The following JAK3 variants were observed in gnomAD, a reference collection of about 807,000 sequenced individuals.
The protein encoded by JAK3 is tyrosine-protein kinase JAK3.
Under a neutral mutation model 120.8 loss-of-function variants are expected in JAK3, and 88 were observed. That is an observed-to-expected ratio of 0.73 (90% CI 0.61 to 0.87). JAK3 has a LOEUF of 0.87. Ranked by LOEUF, JAK3 falls within the 40% of genes least tolerant of loss-of-function variation. JAK3 has a pLI of 0.00. For synonymous variants in JAK3, 592 were observed against 628.6 expected (o/e 0.94, Z 0.87); for missense variants, 1,254 against 1,501.4 (o/e 0.84, Z 2.72).
Position 17,831,389 on chromosome 19 carries a change from G to C in JAK3, c.2817C>G (p.Tyr939Ter), listed in dbSNP as rs1175278463. The C allele has an allele frequency of 6.2e-7, 1 of 1,604,714 alleles. No individual in the cohort carries two copies. The highest frequency in any genetic ancestry group is 8.5e-7 in the Non-Finnish European group (1 of 1,179,760). Residue 939 changes from tyrosine (Y) to a stop codon, truncating the protein, a stop_gained, in exon 21 of 24, where the codon TAC becomes TAG. Transcript: ENST00000458235. LOFTEE classifies it high-confidence loss of function. The surrounding 1 kb of genome is among the most constrained non-coding windows in gnomAD (Gnocchi z 5.1). ...YSSQICKGME[Y>*]LGSRRCVHRD... ...GGTGCACGCAGCGGCGGGAGCCCAG[G>C]TACTCCATGCCCTGCGGGCGGGCGG...
At position 17,838,733 on chromosome 19, in the gene JAK3, T is replaced by TTG. The variant is rs398034136; in HGVS notation, c.1442-344_1442-343insCA. Among the ~76,000 whole-genome samples, 20 of 137,392 alleles carry TTG rather than the reference T, an allele frequency of 1.5e-4. 2 individuals carry two copies. Among genetic ancestry groups the TTG allele is most frequent in the Non-Finnish European group, 1.7e-4 (11 of 64,032 alleles). 90.1% of individuals were successfully genotyped at this position (137,392 alleles called of 152,430 possible). The stretch of plus-strand genomic sequence containing the variant: ...GCTAATTTTTTTTTTTTTTTTTTTT[T>TTG]GAGACAGAGTCTCGCTCTGTCACCC... On this transcript the variant is annotated intron_variant, in intron 10 of 23. Transcript: ENST00000458235.
rs1759230207 is a variant in JAK3, at chr19:17,835,367, C to G, written c.1915-152G>C. On this transcript the variant is annotated intron_variant, in intron 14 of 23. Coordinates refer to ENST00000458235, the MANE Select transcript of JAK3 (RefSeq NM_000215.4). ...ACTCCTGACATCCTGTCTTGCCCCT[C>G]TAGTTCACCCCCTACACTGACCTGG... 3.9e-6 allele frequency: 4 copies of G among 1,038,272 alleles called. No individual in the cohort carries two copies. The South Asian group carries it at 6.3e-5, about 16-fold the overall frequency. 64.3% of individuals were successfully genotyped at this position (1,038,272 alleles called of 1,614,324 possible).
Position 17,841,492 on chromosome 19 carries a change from C to T in JAK3, c.1039G>A (p.Gly347Ser), listed in dbSNP as rs1377738630. The T allele has an allele frequency of 6.4e-7, 1 of 1,570,006 alleles. No individual in the cohort carries two copies. Among genetic ancestry groups the T allele is most frequent in the Non-Finnish European group, 8.6e-7 (1 of 1,157,462 alleles). Residue 347 changes from glycine (G) to serine (S), a missense_variant, in exon 8 of 24, where the codon GGC (glycine) becomes AGC (serine). By Grantham distance (56) the Gly-to-Ser change is moderately conservative. This residue lies in a region of JAK3 where 486 missense variants were observed against 503.0 expected (regional missense o/e 0.97). Transcript: ENST00000458235. The surrounding 1 kb of genome is among the most constrained non-coding windows in gnomAD (Gnocchi z 4.1). ...GAGTCCGTGGTCAGCCGGAAGTAGC[C>T]GTCCACGAGCGCCACGAACGACAGA... ...EALSFVALVDGYFRLTTDSQH... is the reference protein window; with the variant it reads ...EALSFVALVDSYFRLTTDSQH...
Position 17,840,312 on chromosome 19 carries a change from G to C in JAK3, c.1172C>G (p.Thr391Ser). Residue 391 changes from threonine to serine, a missense_variant, in exon 9 of 24, where the codon ACT becomes AGT. Physicochemically the swap from Thr to Ser is moderately conservative, Grantham distance 58. Around this residue, in one of 3 missense-constraint regions of JAK3, gnomAD observed 486 missense variants for 503.0 expected, o/e 0.97. Transcript: ENST00000458235. ...ATAGGAGCCAGGACGTGAGCCCCCA[G>C]TCTTGAGCTTGTTGATGGCAAAGTC... ...TLDFAINKLK[T>S]GGSRPGSYVL... is the part of the protein sequence containing the mutation. 7 of 1,613,934 alleles carry C rather than the reference G, an allele frequency of 4.3e-6. No homozygotes were observed. The highest frequency in any genetic ancestry group is 3.3e-5 in the South Asian group (3 of 91,068).
chr19:17,830,539 G>A lies in JAK3; in HGVS notation c.3060C>T (p.Leu1020=), dbSNP rs2147674544. Residue 1020 remains leucine (L), a synonymous_variant, in exon 22 of 24, where the codon CTC becomes CTT. Coordinates refer to ENST00000458235, the MANE Select transcript of JAK3 (RefSeq NM_000215.4). ...TGCAGCTTTTGTCGCAGTAGGTGAA[G>A]AGCTCGTACAGGACGACCCCGAAGC... is the stretch of plus-strand genomic sequence containing the variant. ...VWSFGVVLYE[L]FTYCDKSCSP... 1 of 1,613,786 alleles carries A rather than the reference G, an allele frequency of 6.2e-7. No individual in the cohort carries two copies. The highest frequency in any genetic ancestry group is 8.5e-7 in the Non-Finnish European group (1 of 1,179,850).
At position 17,826,300 on chromosome 19, in the gene JAK3, G is replaced by T; in HGVS notation, c.*443C>A. 5.2e-6 allele frequency: 1 copy of T among 192,494 alleles called. No individual in the cohort carries two copies. Among genetic ancestry groups the T allele is most frequent in the Non-Finnish European group, 1.1e-5 (1 of 90,418 alleles). The allele number at this position is 192,494 out of a possible 1,614,324, so 11.9% of individuals were successfully genotyped here. Reference sequence around the variant, plus strand: ...CTCGGGAGGCTGAGGCAGGAGAATCGCTTGAACCTGGGAAGCAGAGGTTGC... The same window carrying T: ...CTCGGGAGGCTGAGGCAGGAGAATCTCTTGAACCTGGGAAGCAGAGGTTGC... On this transcript the variant is annotated 3_prime_UTR_variant, in exon 24 of 24. Transcript: ENST00000458235.
Position 17,831,493 on chromosome 19 carries a change from C to T in JAK3, c.2806-93G>A. ...CCTGGCACCCCAACCCAGACCCCAA[C>T]TATAACCCTACCCCCGAGCCATCCT... On this transcript the variant is annotated intron_variant, in intron 20 of 23. Transcript: ENST00000458235. This position sits in a 1 kb window ranked among gnomAD's most constrained non-coding sequence, Gnocchi z 5.1. 1 of 1,557,550 alleles carries T rather than the reference C, an allele frequency of 6.4e-7. No individual in the cohort carries two copies. Among genetic ancestry groups the T allele is most frequent in the Non-Finnish European group, 8.7e-7 (1 of 1,147,348 alleles).
chr19:17,836,684 T>C (rs1248787989), intron 13 of JAK3: 2 of 422,110 alleles, frequency 4.7e-6, no homozygotes, highest in African/African-American at 2.0e-5. Flanking sequence ...TGCATCTCTG[T>C]CTTCCCACAA....
rs1418117194 is a variant in JAK3, at chr19:17,841,642, A to T, written c.982T>A (p.Leu328Ile). 1 of 1,613,900 alleles carries T rather than the reference A, an allele frequency of 6.2e-7. No homozygotes were observed. Among genetic ancestry groups the T allele is most frequent in the East Asian group, 2.2e-5 (1 of 44,858 alleles). ...VTVTRTDNQI[L>I]EAEFPGLPEA... is the part of the protein sequence containing the mutation. ...GGGGAGGGGAATCCTGCACCCACTA[A>T]AATCTGGTTGTCTGTCCTGGTAACA... The change falls in exon 7 of 24, where the codon TTA becomes ATA. Residue 328 changes from leucine to isoleucine, a missense_variant and splice_region_variant. Coordinates refer to ENST00000458235, the MANE Select transcript of JAK3 (RefSeq NM_000215.4). The surrounding 1 kb of genome is among the most constrained non-coding windows in gnomAD (Gnocchi z 4.1).
rs3212753 is a variant in JAK3, at chr19:17,837,849, T to C, written c.1701+83A>G. On this transcript the variant is annotated intron_variant, in intron 12 of 23. Transcript: ENST00000458235. ...GCATGAGCCACCACGCCCAGGTCCC[T>C]GTGTGTTTTTAAATTTCTCTGCATC... 18,781 of 1,590,026 alleles carry C rather than the reference T, an allele frequency of 0.012. 1,737 individuals are homozygous for C. The African/African-American group carries it at 0.21, about 18-fold the overall frequency.
At chr19:17,830,286 G>T (rs2094211442) in intron 22 of JAK3, 68 bp from the exon 23 acceptor site, 2 of 1,225,492 alleles carry the variant, frequency 1.6e-6, no homozygotes, top group African/African-American at 1.5e-5. Context: ...GGGGCCACCC[G>T]TGGTGGGGGT....
chr19:17,836,091 C>T (rs199825407), intron 13 of JAK3, 40 bp from the exon 14 acceptor site: 52 of 1,610,860 alleles, frequency 3.2e-5, no homozygotes, highest in Non-Finnish European at 4.2e-5. Flanking sequence ...GGAGACTGAA[C>T]TGCACTTGTG....
At position 17,829,954 on chromosome 19, in the gene JAK3, CAGTG is replaced by C. The variant is rs913353337; in HGVS notation, c.3207+150_3207+153del. The C allele has an allele frequency of 3.8e-5, 26 of 690,910 alleles. No homozygotes were observed. In the African/African-American group the frequency reaches 4.4e-4, roughly 12 times the overall value. 42.8% of individuals were successfully genotyped at this position (690,910 alleles called of 1,614,324 possible). ...TCTGAAAGTGCTCTGACTTGCCACACAGTGAGAGAGTAGCCAAGTGGGGGCCAGG... is the reference window on the plus strand; with the variant it reads ...TCTGAAAGTGCTCTGACTTGCCACACAGAGAGTAGCCAAGTGGGGGCCAGG... On this transcript the variant is annotated intron_variant, in intron 23 of 23. Transcript: ENST00000458235.
Position 17,838,359 on chromosome 19 carries a change from A to G in JAK3, c.1473T>C (p.Gly491=), listed in dbSNP as rs1322204809. 5 of 1,613,780 alleles carry G rather than the reference A, an allele frequency of 3.1e-6. No homozygotes were observed. The Admixed American group carries it at 5.0e-5, about 16-fold the overall frequency. The change falls in exon 11 of 24, where the codon GGT becomes GGC. Residue 491 remains glycine, a synonymous_variant. Transcript: ENST00000458235. ...CCAAGGATGATGTGGGTGGGCTGTG[A>G]CCTCTCTGGACCACGATCAGGTTGG... ...EKSNLIVVQR[G]HSPPTSSLVQ... is the part of the protein sequence containing the mutation.
chr19:17,838,898 T>C (rs974394597), intron 10 of JAK3, among the ~76,000 whole-genome samples: 15 of 151,922 alleles, frequency 9.9e-5, no homozygotes, highest in Non-Finnish European at 1.9e-4. Flanking sequence ...GTATTTTTAG[T>C]AGAGATGGAG....
intron 8 of JAK3, 39 bp from the exon 9 acceptor site, chr19:17,840,380 G>A (rs200249304): frequency 3.5e-5 from 48 of 1,368,600 alleles, no homozygotes; most frequent in Admixed American, 7.0e-5. Flanking sequence ...AGGAGTCAGA[G>A]ATAGAAGAAG....
At position 17,835,007 on chromosome 19, in the gene JAK3, AG is replaced by A; in HGVS notation, c.2048-5del. On this transcript the variant is annotated splice_region_variant and splice_polypyrimidine_tract_variant and intron_variant, in intron 15 of 23. Coordinates refer to ENST00000458235, the MANE Select transcript of JAK3 (RefSeq NM_000215.4). The stretch of plus-strand genomic sequence containing the variant: ...CAGGGGATCCTGTCGGTGAGCACTG[AG>A]GGAATGAAAGTGGGATCAGGGATCC... The A allele has an allele frequency of 6.2e-7, 1 of 1,614,114 alleles. No homozygotes were observed. Among genetic ancestry groups the A allele is most frequent in the South Asian group, 1.1e-5 (1 of 91,082 alleles).
Position 17,841,347 on chromosome 19 carries a change from C to A in JAK3, c.1142+42G>T. The stretch of plus-strand genomic sequence containing the variant: ...TGAGGCATAGAGAAGGGGAGGGGCC[C>A]TGAGTGGCCACAGAGGCCGGGAATG... On this transcript the variant is annotated intron_variant, in intron 8 of 23. Transcript: ENST00000458235. This position sits in a 1 kb window ranked among gnomAD's most constrained non-coding sequence, Gnocchi z 4.1. 2.0e-6 allele frequency: 3 copies of A among 1,531,156 alleles called. No individual in the cohort carries two copies. The highest frequency in any genetic ancestry group is 2.6e-6 in the Non-Finnish European group (3 of 1,141,080). 94.8% of individuals were successfully genotyped at this position (1,531,156 alleles called of 1,614,324 possible). A position where few individuals can be genotyped will look rare whatever the true frequency, so the allele number is the denominator to read the frequency against.
chr19:17,844,910 C>T (rs1324218467), intron 1 of JAK3, among the ~76,000 whole-genome samples: 2 of 152,110 alleles, frequency 1.3e-5, no homozygotes, highest in Non-Finnish European at 2.9e-5. Context: ...CCCACCCGCT[C>T]GCTCACTTGC....
Sources: gnomAD v4.1 joint callset for allele counts (sites outside exome capture counted in the v4.1 genomes callset) on GRCh38, gnomAD v4.1.1 for gene constraint, gnomAD v4.1.1 regional missense constraint, Gnocchi (gnomAD v3.1) non-coding constraint, MANE v1.5 for transcripts, NCBI Gene and HGNC (gene_info 2026-07-23, HGNC 2026-07-21) for gene names.